GYG1: variants seen among roughly 807,000 people sequenced by gnomAD.
The protein encoded by GYG1 is glycogenin-1.
Under a neutral mutation model 41.9 loss-of-function variants are expected in GYG1, and 44 were observed. The observed-to-expected ratio is 1.05, with a 90% CI of 0.83 to 1.35. The LOEUF (loss-of-function observed/expected upper bound fraction) is 1.35. Ranked by LOEUF, GYG1 falls within the 40% of genes most tolerant of loss-of-function variation. GYG1 has a pLI of 0.00. For missense variants in GYG1, 429 were observed against 418.9 expected, an observed-to-expected ratio of 1.02 and a Z score of -0.21; for synonymous variants, 141 against 158.1, an observed-to-expected ratio of 0.89 and a Z score of 0.81.
chr3:148,992,150 C>T (rs1267935908), intron 1 of GYG1, among the ~76,000 whole-genome samples: 1 of 152,266 alleles, frequency 6.6e-6, no homozygotes, highest in Admixed American at 6.5e-5. Context: ...CCACGCTGAG[C>T]CTATTTTTAG....
intron 5 of GYG1, among the ~76,000 whole-genome samples, chr3:149,017,485 T>C (rs1486246247): frequency 6.6e-6 from 1 of 151,662 alleles, no homozygotes; most frequent in Non-Finnish European, 1.5e-5. Context: ...TTACTCTGGG[T>C]TGAGGTCAGT....
At position 148,994,150 on chromosome 3, in the gene GYG1, T is replaced by C; in HGVS notation, c.16T>C (p.Phe6Leu). Residue 6 changes from phenylalanine (F) to leucine (L), a missense_variant, in exon 2 of 8, where the codon TTT becomes CTT. Physicochemically the swap from Phe to Leu is conservative, Grantham distance 22 (BLOSUM62 0). Coordinates refer to ENST00000345003, the MANE Select transcript of GYG1 (RefSeq NM_004130.4). ...TTTTTCTTTGTATTAAGATCAGGCCTTTGTGACACTAACCACAAACGATGC... is the reference window on the plus strand; with the variant it reads ...TTTTTCTTTGTATTAAGATCAGGCCCTTGTGACACTAACCACAAACGATGC... MTDQA[F>L]VTLTTNDAYA... 6.2e-7 allele frequency: 1 copy of C among 1,613,590 alleles called. No individual in the cohort carries two copies. Among genetic ancestry groups the C allele is most frequent in the Admixed American group, 1.7e-5 (1 of 60,020 alleles).
chr3:148,991,715 TCTC>T lies in GYG1; in HGVS notation c.7+73_7+75del, dbSNP rs745779871. ...CTTCCTGCCCAGCCGCCGCCTCCCT[TCTC>T]CTCCGCCCTCAGCCCCGGAGTGTTC... On this transcript the variant is annotated intron_variant, in intron 1 of 7. Transcript: ENST00000345003. The T allele has an allele frequency of 3.1e-3, 3,877 of 1,246,310 alleles. 12 individuals are homozygous for T. The highest frequency in any genetic ancestry group is 4.0e-3 in the Non-Finnish European group (3,552 of 894,344). The allele number at this position is 1,246,310 out of a possible 1,614,324, so 77.2% of individuals were successfully genotyped here.
At chr3:148,998,846 CAG>C (rs1302995320) in intron 4 of GYG1, among the ~76,000 whole-genome samples, 1 of 152,188 alleles carries the variant, frequency 6.6e-6, no homozygotes, top group Non-Finnish European at 1.5e-5. Context: ...ACCTTCTCGT[CAG>C]AGTGTAGCTT....
Position 148,994,263 on chromosome 3 carries a change from C to G in GYG1, c.129C>G (p.Val43=). 2 of 1,614,094 alleles carry G rather than the reference C, an allele frequency of 1.2e-6. No individual in the cohort carries two copies. Among genetic ancestry groups the G allele is most frequent in the Non-Finnish European group, 1.7e-6 (2 of 1,179,982 alleles). Residue 43 remains valine, a synonymous_variant, in exon 2 of 8, where the codon GTC becomes GTG. Transcript: ENST00000345003. ...RRLVVLATPQ[V]SDSMRKVLET... ...TGGTCGTGCTCGCCACCCCTCAGGT[C>G]TCAGACTCCATGAGGTGAGGACCTC...
intron 6 of GYG1, among the ~76,000 whole-genome samples, chr3:149,025,085 A>G (rs1261498598): frequency 6.6e-6 from 1 of 152,216 alleles, no homozygotes; most frequent in African/African-American, 2.4e-5. Context: ...GAAAGGAGAA[A>G]GGGAGAAAAA....
At chr3:148,997,054 T>TG (rs1000559674) in intron 4 of GYG1, 150 bp downstream of exon 4, 386 of 606,858 alleles carry the variant, frequency 6.4e-4, no homozygotes, top group African/African-American at 6.1e-3. Flanking sequence ...CTGGGAAATA[T>TG]TGTGTGTGTG....
chr3:149,030,414 A>AAACTT lies in GYG1; in HGVS notation c.*3483_*3487dup, dbSNP rs1714902589. The AAACTT allele has an allele frequency of 6.6e-6, 1 of 151,588 alleles. No homozygotes were observed. The highest frequency in any genetic ancestry group is 2.4e-5 in the African/African-American group (1 of 41,002). The allele number at this position is 151,588 out of a possible 1,614,324, so 9.4% of individuals were successfully genotyped here. On this transcript the variant is annotated 3_prime_UTR_variant, in exon 8 of 8. Transcript: ENST00000345003. ...AGAGACATTTTTTAAACAACTTGCC[A>AAACTT]AACTTACTTATGAGTGTGTTTTAAA...
intron 2 of GYG1, among the ~76,000 whole-genome samples, chr3:148,994,630 C>G (rs1222696512): frequency 6.6e-6 from 1 of 152,190 alleles, no homozygotes; most frequent in Non-Finnish European, 1.5e-5. Context: ...AATTCATGGA[C>G]ATTCCTTTCC....
Position 149,031,511 on chromosome 3 carries a change from A to G in GYG1, c.*4578A>G, listed in dbSNP as rs1206592183. On this transcript the variant is annotated 3_prime_UTR_variant, in exon 8 of 8. Transcript: ENST00000345003. ...ACTGGTTTGCCTCTCACTCCCACAGACTATATTTATACCTCAGACACAGCA... is the reference window on the plus strand; with the variant it reads ...ACTGGTTTGCCTCTCACTCCCACAGGCTATATTTATACCTCAGACACAGCA... 6.6e-6 allele frequency: 1 copy of G among 152,640 alleles called. No homozygotes were observed. The highest frequency in any genetic ancestry group is 1.5e-5 in the Non-Finnish European group (1 of 68,024). 9.5% of individuals were successfully genotyped at this position (152,640 alleles called of 1,614,324 possible).
rs753830121 is a variant in GYG1 at position 149,009,410 on chromosome 3, C to G, written c.608+8C>G. ...CCTCCCGGCATTTAAAGTGTAAGTG[C>G]AGATGGTTTAACTATTGTTGGAGAT... On this transcript the variant is annotated splice_region_variant and intron_variant, in intron 5 of 7. Transcript: ENST00000345003. The G allele has an allele frequency of 6.2e-7, 1 of 1,613,376 alleles. No homozygotes were observed. Among genetic ancestry groups the G allele is most frequent in the Non-Finnish European group, 8.5e-7 (1 of 1,179,366 alleles).
In GYG1 at chr3:149,030,012, T is replaced by C. The variant is rs1714868849; in HGVS notation, c.*3079T>C. ...TTAGGATATGAGGACATTATTCTGT[T>C]ACAGTAATCTTCATGTACTCTCAAA... On this transcript the variant is annotated 3_prime_UTR_variant, in exon 8 of 8. Coordinates refer to ENST00000345003, the MANE Select transcript of GYG1 (RefSeq NM_004130.4). The C allele has an allele frequency of 6.6e-6, 1 of 152,210 alleles. No homozygotes were observed. Among genetic ancestry groups the C allele is most frequent in the South Asian group, 2.1e-4 (1 of 4,832 alleles). The allele number at this position is 152,210 out of a possible 1,614,324, so 9.4% of individuals were successfully genotyped here.
Position 148,996,915 on chromosome 3 carries a change from G to T in GYG1, c.481+11G>T. 1 of 1,600,720 alleles carries T rather than the reference G, an allele frequency of 6.2e-7. No homozygotes were observed. The highest frequency in any genetic ancestry group is 8.6e-7 in the Non-Finnish European group (1 of 1,167,936). ...AAGGTAGTTTTGATGGTATGTATTT[G>T]CTATCTTCATGTCTGATAAGCTGTT... On this transcript the variant is annotated intron_variant, in intron 4 of 7. Coordinates refer to ENST00000345003, the MANE Select transcript of GYG1 (RefSeq NM_004130.4).
rs1714835182 is a variant in GYG1, at chr3:149,029,437, G to A, written c.*2504G>A. The stretch of plus-strand genomic sequence containing the variant: ...TTGGAGATTAGCTCCATGGTGGATG[G>A]AGCTATGGTTTATGCATAAAGTAAA... On this transcript the variant is annotated 3_prime_UTR_variant, in exon 8 of 8. Coordinates refer to ENST00000345003, the MANE Select transcript of GYG1 (RefSeq NM_004130.4). Among the ~76,000 whole-genome samples, 1 of 152,162 alleles carries A rather than the reference G, an allele frequency of 6.6e-6. No homozygotes were observed. The highest frequency in any genetic ancestry group is 2.4e-5 in the African/African-American group (1 of 41,434).
chr3:149,020,571 A>C (rs1207634022), intron 5 of GYG1, among the ~76,000 whole-genome samples: 2 of 152,184 alleles, frequency 1.3e-5, no homozygotes, highest in East Asian at 1.9e-4. Context: ...AACACTAACC[A>C]ATGCCTGCGA....
chr3:149,015,604 G>C (rs767222298), intron 5 of GYG1, among the ~76,000 whole-genome samples: 4 of 152,202 alleles, frequency 2.6e-5, no homozygotes, highest in Non-Finnish European at 5.9e-5. Flanking sequence ...ATTGGCACTG[G>C]ATGTGGAATG....
At chr3:148,999,889 A>G (rs1712998157) in intron 4 of GYG1, among the ~76,000 whole-genome samples, 1 of 152,082 alleles carries the variant, frequency 6.6e-6, no homozygotes, top group Non-Finnish European at 1.5e-5. Context: ...CGGAATTTTC[A>G]GCTCAGACCA....
chr3:149,020,475 A>G (rs899545297), intron 5 of GYG1, among the ~76,000 whole-genome samples: 2 of 152,226 alleles, frequency 1.3e-5, no homozygotes, highest in Admixed American at 1.3e-4. Flanking sequence ...CTCACCAGCC[A>G]TGGGATCCTG....
chr3:149,001,010 A>G (rs1293387598), intron 4 of GYG1: 1 of 152,240 alleles, frequency 6.6e-6, no homozygotes, highest in Non-Finnish European at 1.5e-5. Flanking sequence ...ACATTGTATT[A>G]AAGTGTAAAA....
Sources: gnomAD v4.1 joint callset for allele counts (sites outside exome capture counted in the v4.1 genomes callset) on GRCh38, gnomAD v4.1.1 for gene constraint, MANE v1.5 for transcripts, NCBI Gene and HGNC (gene_info 2026-07-23, HGNC 2026-07-21) for gene names.